Variants in SHISA9 observed in about 807,000 individuals in gnomAD.
The protein encoded by SHISA9 is shisa family member 9.
A neutral mutation model predicts 38.0 loss-of-function variants in SHISA9; 13 were observed. The ratio of observed to expected loss-of-function variants is 0.34; its 90% confidence interval spans 0.22 to 0.54. SHISA9 has a LOEUF of 0.54. Among genes scored for constraint, SHISA9 ranks in the 20% least tolerant of loss-of-function variants. SHISA9 has a pLI of 0.91. For missense variants in SHISA9, 538 were observed against 575.8 expected (o/e 0.93, Z 0.67); for synonymous variants, 275 against 242.0 (o/e 1.14, Z -1.27).
At chr16:13,483,861 A>C in the SHISA9 span, among the ~76,000 whole-genome samples, 2 of 152,168 alleles carry the variant, frequency 1.3e-5, no homozygotes, top group African/African-American at 4.8e-5. Flanking sequence ...CACCCTACAC[A>C]TCTCTTCATT....
At chr16:13,234,964 C>G (rs1170047153) in intron 4 of SHISA9, 66 bp from the exon 5 acceptor site, 1 of 1,435,308 alleles carries the variant, frequency 7.0e-7, no homozygotes, top group Non-Finnish European at 9.3e-7. Context: ...CTAACTCTCT[C>G]TCTCTCTCTC....
chr16:13,164,998 C>T (rs1362364170), intron 2 of SHISA9, among the ~76,000 whole-genome samples: 1 of 152,004 alleles, frequency 6.6e-6, no homozygotes, highest in Non-Finnish European at 1.5e-5. Flanking sequence ...ATCCTTTTTG[C>T]CTTTGATTGC....
At chr16:12,997,765 A>G (rs377414581) in intron 2 of SHISA9, among the ~76,000 whole-genome samples, 1 of 152,086 alleles carries the variant, frequency 6.6e-6, no homozygotes, top group South Asian at 2.1e-4. Context: ...TGGCCTCACC[A>G]CATGGTTTTT....
At chr16:12,924,409 C>T (rs909280780) in intron 2 of SHISA9, among the ~76,000 whole-genome samples, 1 of 152,152 alleles carries the variant, frequency 6.6e-6, no homozygotes, top group Non-Finnish European at 1.5e-5. Context: ...CTCTAGGACT[C>T]TTAGGATTTT....
chr16:13,360,437 G>A, the SHISA9 span, among the ~76,000 whole-genome samples: 1 of 152,104 alleles, frequency 6.6e-6, no homozygotes, highest in Non-Finnish European at 1.5e-5. Flanking sequence ...CATGGGGGCG[G>A]TTTCCCCCAT....
the SHISA9 span, among the ~76,000 whole-genome samples, chr16:13,545,008 A>G: frequency 6.6e-6 from 1 of 152,210 alleles, no homozygotes; most frequent in Non-Finnish European, 1.5e-5. Flanking sequence ...CATGATCATC[A>G]TCCTTATTTT....
At chr16:13,335,434 C>T in the SHISA9 span, among the ~76,000 whole-genome samples, 2 of 152,284 alleles carry the variant, frequency 1.3e-5, no homozygotes, top group South Asian at 4.1e-4. Flanking sequence ...CCCTACCCCC[C>T]TTTAAAGGTG....
the SHISA9 span, among the ~76,000 whole-genome samples, chr16:13,345,005 G>T: frequency 6.6e-6 from 1 of 152,122 alleles, no homozygotes; most frequent in African/African-American, 2.4e-5. Context: ...AGGAAGGAGA[G>T]GGAGGCCAAC....
intron 1 of SHISA9, among the ~76,000 whole-genome samples, chr16:12,905,809 C>T (rs925987976): frequency 6.6e-6 from 1 of 152,070 alleles, no homozygotes; most frequent in African/African-American, 2.4e-5. Flanking sequence ...TGGGGTTGGC[C>T]AGGCTGGTCT....
chr16:13,249,044 C>A, the SHISA9 span, among the ~76,000 whole-genome samples: 5 of 152,158 alleles, frequency 3.3e-5, no homozygotes, highest in African/African-American at 1.2e-4. Context: ...GGGAAAATTT[C>A]TCCAAGAGTC....
chr16:13,500,461 T>C, the SHISA9 span, among the ~76,000 whole-genome samples: 63 of 152,164 alleles, frequency 4.1e-4, no homozygotes, highest in Non-Finnish European at 4.6e-4. Flanking sequence ...CAGCGTAAAG[T>C]TTCTGCAGTA....
chr16:13,081,365 C>G (rs1482601489), intron 2 of SHISA9, among the ~76,000 whole-genome samples: 2 of 152,170 alleles, frequency 1.3e-5, no homozygotes, highest in African/African-American at 4.8e-5. Flanking sequence ...TTATAGCACT[C>G]TTTATCATGG....
chr16:13,354,479 T>C, the SHISA9 span, among the ~76,000 whole-genome samples: 422 of 150,792 alleles, frequency 2.8e-3, 6 homozygotes, highest in African/African-American at 9.8e-3. Context: ...ACAACGGTAA[T>C]TGTGGGAGAC....
At chr16:13,485,640 G>A in the SHISA9 span, among the ~76,000 whole-genome samples, 1 of 152,092 alleles carries the variant, frequency 6.6e-6, no homozygotes, top group East Asian at 1.9e-4. Flanking sequence ...TCTGTTCTTT[G>A]TGTTGAGAAC....
the SHISA9 span, among the ~76,000 whole-genome samples, chr16:13,516,234 A>T: frequency 6.6e-6 from 1 of 152,266 alleles, no homozygotes; most frequent in Non-Finnish European, 1.5e-5. Context: ...GATGGAAAAT[A>T]AATGGCTTCC....
At chr16:13,019,100 A>G (rs527396000) in intron 2 of SHISA9, among the ~76,000 whole-genome samples, 31 of 152,258 alleles carry the variant, frequency 2.0e-4, no homozygotes, top group Middle Eastern at 3.4e-3. Context: ...CCCCAGTTCA[A>G]TAGATTCTCC....
the SHISA9 span, among the ~76,000 whole-genome samples, chr16:13,426,163 T>C: frequency 2.0e-5 from 3 of 152,230 alleles, no homozygotes; most frequent in Non-Finnish European, 4.4e-5. Context: ...AAGCTGCAAC[T>C]TGCTGTAATC....
chr16:13,356,894 A>G, the SHISA9 span, among the ~76,000 whole-genome samples: 1 of 152,160 alleles, frequency 6.6e-6, no homozygotes. Context: ...GCTATTTGGA[A>G]CTACCGTCGA....
Position 13,156,985 on chromosome 16 carries a change from C to T in SHISA9, c.692-46409C>T, listed in dbSNP as rs1381485961. Reference sequence around the variant, plus strand: ...GTATATAAATGCAATTTGCAAATTTCCTTTGGAAACCTGGCTGAGGGCTTT... The same window carrying T: ...GTATATAAATGCAATTTGCAAATTTTCTTTGGAAACCTGGCTGAGGGCTTT... On this transcript the variant is annotated intron_variant, in intron 2 of 4. Transcript: ENST00000558583. Among the ~76,000 whole-genome samples the T allele has an allele frequency of 2.0e-5, 3 of 152,176 alleles. No individual in the cohort carries two copies. In the East Asian group the frequency reaches 5.8e-4, roughly 29 times the overall value.
Sources: gnomAD v4.1 joint callset for allele counts (sites outside exome capture counted in the v4.1 genomes callset) on GRCh38, gnomAD v4.1.1 for gene constraint, MANE v1.5 for transcripts, NCBI Gene and HGNC (gene_info 2026-07-23, HGNC 2026-07-21) for gene names.